DOCK4: variants seen among roughly 807,000 people sequenced by gnomAD.
DOCK4 encodes the protein dedicator of cytokinesis 4, also known as dedicator of cytokinesis protein 4.
Under a neutral mutation model 268.1 loss-of-function variants are expected in DOCK4, and 97 were observed. The observed-to-expected ratio is 0.36, with a 90% CI of 0.31 to 0.43. The LOEUF (loss-of-function observed/expected upper bound fraction) is 0.43, where lower values mean the gene tolerates loss of function less well. DOCK4 is among the 20% of genes least tolerant of loss of function. The pLI is 1.00. For synonymous variants in DOCK4, 954 were observed against 887.2 expected (o/e 1.08, Z -1.34); for missense variants, 2,145 against 2,455.7 (o/e 0.87, Z 2.67).
intron 8 of DOCK4, among the ~76,000 whole-genome samples, chr7:111,961,000 A>G (rs1020060801): frequency 1.2e-4 from 18 of 152,246 alleles, no homozygotes; most frequent in Middle Eastern, 3.4e-3. Flanking sequence ...GGAAGTGCAG[A>G]TATCTCTTGC....
chr7:112,127,453 T>C (rs2116025204), intron 1 of DOCK4, among the ~76,000 whole-genome samples: 1 of 148,568 alleles, frequency 6.7e-6, no homozygotes, highest in Non-Finnish European at 1.5e-5. Flanking sequence ...GAGATATACC[T>C]AATGCTAAAT....
At chr7:111,863,270 C>A (rs766591791) in intron 23 of DOCK4, 102 bp downstream of exon 23, 3 of 1,232,934 alleles carry the variant, frequency 2.4e-6, no homozygotes, top group African/African-American at 1.5e-5. Context: ...TGAGAAAATG[C>A]CTTTTAGTGT....
chr7:111,753,000 G>A (rs1309610765), intron 42 of DOCK4, among the ~76,000 whole-genome samples: 1 of 41,074 alleles, frequency 2.4e-5, no homozygotes, highest in African/African-American at 7.0e-5. Flanking sequence ...AAGTTGATAA[G>A]CTATTGGGGG....
intron 1 of DOCK4, among the ~76,000 whole-genome samples, chr7:112,087,772 C>A (rs1399666720): frequency 6.6e-6 from 1 of 152,064 alleles, no homozygotes; most frequent in Non-Finnish European, 1.5e-5. Context: ...GTATCTAACT[C>A]CTGAGACCTA....
At chr7:111,912,342 G>A (rs1792176009) in intron 13 of DOCK4, among the ~76,000 whole-genome samples, 1 of 152,068 alleles carries the variant, frequency 6.6e-6, no homozygotes, top group African/African-American at 2.4e-5. Context: ...GTGGAGGGTG[G>A]GGTATGGAGC....
intron 12 of DOCK4, among the ~76,000 whole-genome samples, chr7:111,933,258 TTATATA>T: frequency 7.9e-6 from 1 of 126,708 alleles, no homozygotes; most frequent in South Asian, 2.4e-4. Context: ...ACATATATAC[TTATATA>T]TATATACATA....
At chr7:112,111,009 C>T (rs1811599235) in intron 1 of DOCK4, among the ~76,000 whole-genome samples, 1 of 152,214 alleles carries the variant, frequency 6.6e-6, no homozygotes, top group Admixed American at 6.5e-5. Context: ...GGATGTCCAC[C>T]CTTGAGTGGA....
At chr7:112,091,051 A>G (rs559428506) in intron 1 of DOCK4, among the ~76,000 whole-genome samples, 1 of 147,976 alleles carries the variant, frequency 6.8e-6, no homozygotes, top group African/African-American at 2.5e-5. Context: ...TAGACTGAAG[A>G]GGTACTGTTC....
chr7:111,920,741 A>C (rs1047742455), intron 12 of DOCK4, among the ~76,000 whole-genome samples: 1 of 152,110 alleles, frequency 6.6e-6, no homozygotes, highest in African/African-American at 2.4e-5. Context: ...GTTTTCCTAC[A>C]CCCAAGAAAC....
chr7:111,773,525 T>C (rs1432520466), intron 36 of DOCK4, among the ~76,000 whole-genome samples: 3 of 152,240 alleles, frequency 2.0e-5, no homozygotes, highest in Non-Finnish European at 4.4e-5. Flanking sequence ...CGCATTTCTC[T>C]TTTTATGAAC....
At chr7:111,793,096 C>A (rs961078576) in intron 30 of DOCK4, among the ~76,000 whole-genome samples, 2 of 152,296 alleles carry the variant, frequency 1.3e-5, no homozygotes, top group East Asian at 3.9e-4. Flanking sequence ...TTGATTAATT[C>A]TACCCTCAAG....
At chr7:112,106,091 A>G (rs2115576236) in intron 1 of DOCK4, among the ~76,000 whole-genome samples, 1 of 152,370 alleles carries the variant, frequency 6.6e-6, no homozygotes, top group African/African-American at 2.4e-5. Flanking sequence ...TGGCAAGAGA[A>G]GAGTGCACAA....
At chr7:111,824,298 A>G (rs916273874) in intron 26 of DOCK4, among the ~76,000 whole-genome samples, 12 of 152,072 alleles carry the variant, frequency 7.9e-5, no homozygotes, top group African/African-American at 2.7e-4. Context: ...TCAGACATAT[A>G]TATGTATATA....
intron 1 of DOCK4, among the ~76,000 whole-genome samples, chr7:112,090,191 AG>A (rs1809491303): frequency 6.6e-6 from 1 of 152,202 alleles, no homozygotes; most frequent in African/African-American, 2.4e-5. Flanking sequence ...TGTGCTATAA[AG>A]GAAAATTATA....
chr7:112,005,541 ATCAAGGG>A (rs1800785564), intron 1 of DOCK4, among the ~76,000 whole-genome samples: 1 of 152,256 alleles, frequency 6.6e-6, no homozygotes, highest in South Asian at 2.1e-4. Context: ...TGGCAAAACA[ATCAAGGG>A]TCTATATATC....
At chr7:111,794,678 A>G (rs1438563024) in intron 30 of DOCK4, among the ~76,000 whole-genome samples, 1 of 152,142 alleles carries the variant, frequency 6.6e-6, no homozygotes, top group Non-Finnish European at 1.5e-5. Context: ...TTACATGTGT[A>G]ATTTCATTTG....
At chr7:112,200,912 C>A (rs552585090) in intron 1 of DOCK4, among the ~76,000 whole-genome samples, 3 of 151,894 alleles carry the variant, frequency 2.0e-5, no homozygotes, top group Non-Finnish European at 4.4e-5. Context: ...TATGGCCCTT[C>A]GGTGGTATTT....
intron 1 of DOCK4, among the ~76,000 whole-genome samples, chr7:112,168,599 G>C (rs1387579379): frequency 6.6e-6 from 1 of 152,158 alleles, no homozygotes; most frequent in East Asian, 1.9e-4. Context: ...CAGCCACCTG[G>C]GAACCTGAGG....
chr7:111,768,884 A>T (rs982281620), intron 37 of DOCK4, among the ~76,000 whole-genome samples: 1 of 152,180 alleles, frequency 6.6e-6, no homozygotes, highest in Admixed American at 6.5e-5. Context: ...TGACAAATTC[A>T]TATGTTGAAA....
Sources: gnomAD v4.1 joint callset for allele counts (sites outside exome capture counted in the v4.1 genomes callset) on GRCh38, gnomAD v4.1.1 for gene constraint, MANE v1.5 for transcripts, NCBI Gene and HGNC (gene_info 2026-07-23, HGNC 2026-07-21) for gene names.